CATSPERD: variants seen among roughly 807,000 people sequenced by gnomAD.
CATSPERD encodes the protein catsper channel auxiliary subunit delta.
Under a neutral mutation model 98.1 loss-of-function variants are expected in CATSPERD, and 86 were observed. The ratio of observed to expected loss-of-function variants is 0.88; its 90% CI spans 0.74 to 1.05. CATSPERD has a LOEUF of 1.05. CATSPERD is among the 50% of genes least tolerant of loss of function. The probability of loss-of-function intolerance (pLI) is 0.00; values close to 1 mark genes in which losing one functional copy is unlikely to be tolerated. For synonymous variants in CATSPERD, 394 were observed against 390.2 expected (o/e 1.01, Z -0.12); for missense variants, 995 against 1,005.7 (o/e 0.99, Z 0.14).
chr19:5,726,633 C>T (rs1299755304), intron 2 of CATSPERD, among the ~76,000 whole-genome samples: 2 of 152,034 alleles, frequency 1.3e-5, no homozygotes, highest in Non-Finnish European at 2.9e-5. Context: ...CCTCCTGCCT[C>T]AGCCTCCCAA....
intron 15 of CATSPERD, among the ~76,000 whole-genome samples, chr19:5,759,741 G>T (rs1181977723): frequency 1.3e-5 from 2 of 151,776 alleles, no homozygotes; most frequent in Middle Eastern, 3.4e-3. Context: ...AACACAGCGT[G>T]GTCCATCCGC....
chr19:5,770,641 C>T lies in CATSPERD; in HGVS notation c.1635-303C>T, dbSNP rs573151789. ...ACAAAAATTTAAAATATTAACCATGCGTGGTGGTGCGTGCCTGTAATCCCA... is the reference window on the plus strand; with the variant it reads ...ACAAAAATTTAAAATATTAACCATGTGTGGTGGTGCGTGCCTGTAATCCCA... On this transcript the variant is annotated intron_variant, in intron 18 of 21. Coordinates refer to ENST00000381624, the MANE Select transcript of CATSPERD (RefSeq NM_152784.4). 2.6e-5 allele frequency among the ~76,000 whole-genome samples: 4 copies of T among 151,898 alleles called. No homozygotes were observed. The South Asian group carries it at 8.3e-4, about 32-fold the overall frequency.
rs2056083313 is a variant in CATSPERD at position 5,745,893 on chromosome 19, A to G, written c.658-20A>G. 1 of 1,613,246 alleles carries G rather than the reference A, an allele frequency of 6.2e-7. No homozygotes were observed. The highest frequency in any genetic ancestry group is 1.1e-5 in the South Asian group (1 of 90,990). ...ACAGTAGGGTTTGGGGAGAGGCTGA[A>G]TGGTGTCTTTTTCTCCCAGGGCATG... is the stretch of plus-strand genomic sequence containing the variant. On this transcript the variant is annotated intron_variant, in intron 8 of 21. Coordinates refer to ENST00000381624, the MANE Select transcript of CATSPERD (RefSeq NM_152784.4).
Position 5,757,880 on chromosome 19 carries a change from C to T in CATSPERD, c.1316C>T (p.Ala439Val), listed in dbSNP as rs1241361747. The T allele has an allele frequency of 6.2e-7, 1 of 1,613,318 alleles. No individual in the cohort carries two copies. The highest frequency in any genetic ancestry group is 1.1e-5 in the South Asian group (1 of 91,018). ...AACCCCCACTCCCTGGGGTTCCAGGCCACCTTCTACGAGAACGGTTACACA... is the reference window on the plus strand; with the variant it reads ...AACCCCCACTCCCTGGGGTTCCAGGTCACCTTCTACGAGAACGGTTACACA... ...VSNPHSLGFQ[A>V]TFYENGYTSD... is the part of the protein sequence containing the mutation. The change falls in exon 14 of 22, where the codon GCC becomes GTC. Residue 439 changes from alanine (A) to valine (V), a missense_variant. Coordinates refer to ENST00000381624, the MANE Select transcript of CATSPERD (RefSeq NM_152784.4).
intron 12 of CATSPERD, 131 bp from the exon 13 acceptor site, chr19:5,754,001 G>A: frequency 1.5e-6 from 1 of 686,564 alleles, no homozygotes; most frequent in Non-Finnish European, 2.6e-6. Flanking sequence ...AGAGTCTAGT[G>A]GGGAAGACAG....
chr19:5,775,424 TCAGGAGATTGAGAC>T (rs2056723024), intron 20 of CATSPERD: 1 of 320,096 alleles, frequency 3.1e-6, no homozygotes, highest in Admixed American at 4.3e-5. Flanking sequence ...GATCACAAGG[TCAGGAGATTGAGAC>T]CATCCTGGCT....
At chr19:5,762,058 A>ATATATTTTT in intron 15 of CATSPERD, among the ~76,000 whole-genome samples, 2 of 10,438 alleles carry the variant, frequency 1.9e-4, no homozygotes, top group African/African-American at 3.3e-4. Context: ...ATATATATAT[A>ATATATTTTT]TTTTTTTTTT....
intron 9 of CATSPERD, 25 bp downstream of exon 9, chr19:5,746,088 G>A: frequency 6.2e-7 from 1 of 1,606,480 alleles, no homozygotes; most frequent in Non-Finnish European, 8.5e-7. Flanking sequence ...CCAGGGTGGG[G>A]CTGCCGCCTG....
At chr19:5,729,578 C>T (rs988230709) in intron 3 of CATSPERD, among the ~76,000 whole-genome samples, 5 of 152,166 alleles carry the variant, frequency 3.3e-5, no homozygotes, top group African/African-American at 7.2e-5. Context: ...AAACTATTTA[C>T]GTTAGTGGAA....
chr19:5,750,807 A>T (rs1599554081), intron 11 of CATSPERD, among the ~76,000 whole-genome samples: 1 of 152,050 alleles, frequency 6.6e-6, no homozygotes, highest in African/African-American at 2.4e-5. Context: ...AGTTGTCCTT[A>T]TGACTGTGTT....
chr19:5,778,480 T>A lies in CATSPERD; in HGVS notation c.2201T>A (p.Leu734Gln). 1.2e-6 allele frequency: 2 copies of A among 1,614,070 alleles called. No individual in the cohort carries two copies. The highest frequency in any genetic ancestry group is 1.6e-4 in the Middle Eastern group (1 of 6,062). ...ATCCTACTGATCATCTCCAGCATCC[T>A]GGGGTCCGTTTGGCTGGCCTACAAG... ...VVILLIISSILGSVWLAYKTP... is the reference protein window; with the variant it reads ...VVILLIISSIQGSVWLAYKTP... Residue 734 changes from leucine to glutamine, a missense_variant, in exon 22 of 22, where the codon CTG becomes CAG. Leu to Gln is a moderately radical substitution (Grantham distance 113). Coordinates refer to ENST00000381624, the MANE Select transcript of CATSPERD (RefSeq NM_152784.4).
In CATSPERD at chr19:5,760,658, G is replaced by A. The variant is rs567799070; in HGVS notation, c.1427+1514G>A. ...TTGGGGAAGATGAGAAACTTCTGGA[G>A]ATGGATGGTGGTGATGGTTGCACAA... On this transcript the variant is annotated intron_variant, in intron 15 of 21. Coordinates refer to ENST00000381624, the MANE Select transcript of CATSPERD (RefSeq NM_152784.4). Among the ~76,000 whole-genome samples, 7 of 152,180 alleles carry A rather than the reference G, an allele frequency of 4.6e-5. No individual in the cohort carries two copies. In the East Asian group the frequency reaches 1.4e-3, roughly 29 times the overall value.
intron 21 of CATSPERD, among the ~76,000 whole-genome samples, chr19:5,777,530 G>A (rs1378535576): frequency 6.6e-6 from 1 of 152,200 alleles, no homozygotes; most frequent in Non-Finnish European, 1.5e-5. Flanking sequence ...GGCATTGGGG[G>A]AGAATAGGGA....
chr19:5,769,717 G>C (rs936414646), intron 18 of CATSPERD, among the ~76,000 whole-genome samples: 10 of 152,192 alleles, frequency 6.6e-5, no homozygotes, highest in Non-Finnish European at 1.3e-4. Flanking sequence ...AGGACACAGA[G>C]GGGAGTGTCA....
At chr19:5,762,217 C>CCA (rs1027316508) in intron 15 of CATSPERD, among the ~76,000 whole-genome samples, 6 of 150,134 alleles carry the variant, frequency 4.0e-5, no homozygotes, top group African/African-American at 1.5e-4. Context: ...ACACACGCCA[C>CCA]CATGCCTGGC....
intron 7 of CATSPERD, among the ~76,000 whole-genome samples, chr19:5,742,357 T>C (rs1426323631): frequency 6.6e-6 from 1 of 152,080 alleles, no homozygotes; most frequent in African/African-American, 2.4e-5. Flanking sequence ...TGTGTGCATG[T>C]ATGTTTGTGC....
chr19:5,745,538 T>C (rs1331028227), intron 8 of CATSPERD, among the ~76,000 whole-genome samples: 1 of 151,958 alleles, frequency 6.6e-6, no homozygotes, highest in Non-Finnish European at 1.5e-5. Flanking sequence ...GGAGAATCAC[T>C]TGGACCTGGG....
intron 11 of CATSPERD, among the ~76,000 whole-genome samples, chr19:5,750,730 A>G (rs1451017266): frequency 1.3e-5 from 2 of 151,080 alleles, no homozygotes; most frequent in African/African-American, 2.4e-5. Context: ...GTGAGGCTCC[A>G]TCTCAAAAAA....
At position 5,775,045 on chromosome 19, in the gene CATSPERD, ACT is replaced by A. The variant is rs1336980868; in HGVS notation, c.1942-1112_1942-1111del. Among the ~76,000 whole-genome samples the A allele has an allele frequency of 2.6e-5, 4 of 151,872 alleles. No individual in the cohort carries two copies. The East Asian group carries it at 7.7e-4, about 29-fold the overall frequency. ...ATAAAAAAGTCATTGGAAGCGCCTG[ACT>A]CTCACCCAGGCTAAGTTATTAAGCC... On this transcript the variant is annotated intron_variant, in intron 20 of 21. Coordinates refer to ENST00000381624, the MANE Select transcript of CATSPERD (RefSeq NM_152784.4).
Sources: allele counts gnomAD v4.1 joint callset (sites outside exome capture counted in the v4.1 genomes callset), GRCh38; gene constraint gnomAD v4.1.1; transcripts MANE v1.5; gene names NCBI Gene and HGNC (gene_info 2026-07-23, HGNC 2026-07-21).